UNC13D: variants seen among roughly 807,000 people sequenced by gnomAD.
UNC13D encodes protein unc-13 homolog D.
Under a neutral mutation model 151.7 loss-of-function variants are expected in UNC13D, and 115 were observed. That is an observed-to-expected ratio of 0.76 (90% CI 0.65 to 0.88). The LOEUF (loss-of-function observed/expected upper bound fraction) is 0.88. Among genes scored for constraint, UNC13D ranks in the 40% least tolerant of loss-of-function variants. UNC13D has a pLI of 0.00. For synonymous variants in UNC13D, 588 were observed against 612.2 expected (o/e 0.96, Z 0.58); for missense variants, 1,369 against 1,438.7 (o/e 0.95, Z 0.78).
At chr17:75,831,394 G>T in intron 25 of UNC13D, 46 bp from the exon 26 acceptor site, 1 of 1,559,074 alleles carries the variant, frequency 6.4e-7, no homozygotes. Context: ...GCAGGGCGGT[G>T]GCGGAGGAGG....
At chr17:75,843,968 G>T in intron 1 of UNC13D, 1 of 1,406,414 alleles carries the variant, frequency 7.1e-7, no homozygotes, top group Non-Finnish European at 9.2e-7. Flanking sequence ...TAGGGGATGG[G>T]GTCAGGCCAA....
chr17:75,835,155 G>A (rs2064898614), intron 20 of UNC13D, 92 bp from the exon 21 acceptor site: 1 of 1,565,332 alleles, frequency 6.4e-7, no homozygotes, highest in Non-Finnish European at 8.6e-7. Context: ...ACCAGGCACA[G>A]AGCTGGGCAG....
intron 27 of UNC13D, 137 bp downstream of exon 27, chr17:75,830,961 A>G (rs1185332540): frequency 3.5e-6 from 4 of 1,141,174 alleles, no homozygotes; most frequent in Non-Finnish European, 5.0e-6. Flanking sequence ...AAAATTTGTA[A>G]TAACTTTTGA....
chr17:75,834,771 G>A, intron 21 of UNC13D, 55 bp from the exon 22 acceptor site: 1 of 1,607,796 alleles, frequency 6.2e-7, no homozygotes, highest in Non-Finnish European at 8.5e-7. Flanking sequence ...TCCAGGAAGG[G>A]CAGGTGGGAG....
chr17:75,835,351 G>A, intron 20 of UNC13D, 58 bp downstream of exon 20: 1 of 1,592,950 alleles, frequency 6.3e-7, no homozygotes, highest in South Asian at 1.1e-5. Context: ...GGTCCAGGCA[G>A]AACCCAAGCC....
chr17:75,844,332 C>T lies in UNC13D; in HGVS notation c.6G>A (p.Ala2=), dbSNP rs767266346. The part of the protein sequence containing the change: M[A]TLLSHPQQRP... The stretch of plus-strand genomic sequence containing the variant: ...GCTGCTGCGGATGGGAGAGGAGTGT[C>T]GCCATGGTGGCCTTCTCTGCCCTTC... The change falls in exon 1 of 32, where the codon GCG becomes GCA. Residue 2 remains alanine, a synonymous_variant. Transcript: ENST00000207549. 26 of 1,609,620 alleles carry T rather than the reference C, an allele frequency of 1.6e-5. No individual in the cohort carries two copies. The highest frequency in any genetic ancestry group is 1.9e-5 in the Non-Finnish European group (22 of 1,178,796).
intron 19 of UNC13D, 59 bp from the exon 20 acceptor site, chr17:75,835,588 T>C: frequency 6.2e-7 from 1 of 1,611,036 alleles, no homozygotes; most frequent in Non-Finnish European, 8.5e-7. Flanking sequence ...CCCTGGGGCC[T>C]CGTCCACCCT....
chr17:75,836,280 A>C, intron 15 of UNC13D, 24 bp from the exon 16 acceptor site: 1 of 1,612,998 alleles, frequency 6.2e-7, no homozygotes, highest in Non-Finnish European at 8.5e-7. Context: ...GGCAGTGAGC[A>C]GGGAGGGACT....
rs1222715271 is a variant in UNC13D, at chr17:75,844,199, T to C, written c.117+22A>G. The C allele has an allele frequency of 2.5e-6, 4 of 1,608,854 alleles. No homozygotes were observed. In the African/African-American group the frequency reaches 4.0e-5, roughly 16 times the overall value. ...ACAGTGCTCCCCAAGGCCAGCTCTC[T>C]CCCCAGTGAGGTCACTCCTACCTCC... On this transcript the variant is annotated intron_variant, in intron 1 of 31. Coordinates refer to ENST00000207549, the MANE Select transcript of UNC13D (RefSeq NM_199242.3).
rs761028266 is a variant in UNC13D at position 75,828,857 on chromosome 17, C to G, written c.3081G>C (p.Gly1027=). The change falls in exon 31 of 32, where the codon GGG becomes GGC. Residue 1027 remains glycine, a synonymous_variant. Coordinates refer to ENST00000207549, the MANE Select transcript of UNC13D (RefSeq NM_199242.3). ...EAFLPLREVP[G]LSGSEEPGEV... is the part of the protein sequence containing the mutation. Reference sequence around the variant, plus strand: ...CACCAGGCTCCTCAGAGCCACTCAGCCCGGGCACCTCACGCAGCGGCAGGA... The same window carrying G: ...CACCAGGCTCCTCAGAGCCACTCAGGCCGGGCACCTCACGCAGCGGCAGGA... The G allele has an allele frequency of 4.4e-6, 7 of 1,593,066 alleles. No individual in the cohort carries two copies. The African/African-American group carries it at 9.4e-5, about 21-fold the overall frequency.
In UNC13D at chr17:75,836,585, G is replaced by A; in HGVS notation, c.1285C>T (p.Gln429Ter). Residue 429 changes from glutamine to a stop codon, truncating the protein, a stop_gained, in exon 14 of 32, where the codon CAG becomes TAG. Transcript: ENST00000207549. LOFTEE classifies it high-confidence loss of function. Reference sequence around the variant, plus strand: ...GCAGCCACTGACCTGAGAAGAGACTGCAGCCGGGCTGGGGAGTCCGAGACA... The same window carrying A: ...GCAGCCACTGACCTGAGAAGAGACTACAGCCGGGCTGGGGAGTCCGAGACA... Reference protein sequence around the residue: ...LSVSDSPARLQSLLRVLVQMC... With the variant: ...LSVSDSPARL 3 of 1,613,724 alleles carry A rather than the reference G, an allele frequency of 1.9e-6. No homozygotes were observed. Among genetic ancestry groups the A allele is most frequent in the Non-Finnish European group, 2.5e-6 (3 of 1,180,026 alleles).
At position 75,833,960 on chromosome 17, in the gene UNC13D, G is replaced by A; in HGVS notation, c.2367+115C>T. 1 of 1,335,220 alleles carries A rather than the reference G, an allele frequency of 7.5e-7. No homozygotes were observed. The highest frequency in any genetic ancestry group is 1.4e-5 in the African/African-American group (1 of 69,744). 82.7% of individuals were successfully genotyped at this position (1,335,220 alleles called of 1,614,324 possible). A position where few individuals can be genotyped will look rare whatever the true frequency, so the allele number is the denominator to read the frequency against. On this transcript the variant is annotated intron_variant, in intron 24 of 31. Coordinates refer to ENST00000207549, the MANE Select transcript of UNC13D (RefSeq NM_199242.3). This position sits in a 1 kb window ranked among gnomAD's most constrained non-coding sequence, Gnocchi z 4.0. ...CCAGGAGGAAACTGAGGCCCAGGGAGAGAACATGCTTTGCCTGGTCTGGGG... is the reference window on the plus strand; with the variant it reads ...CCAGGAGGAAACTGAGGCCCAGGGAAAGAACATGCTTTGCCTGGTCTGGGG...
chr17:75,838,686 G>C (rs960863540), intron 12 of UNC13D, among the ~76,000 whole-genome samples: 61 of 152,310 alleles, frequency 4.0e-4, no homozygotes, highest in African/African-American at 1.4e-3. Context: ...AGCGGGGCTG[G>C]GGTTAGGGAC....
At position 75,832,927 on chromosome 17, in the gene UNC13D, G is replaced by A; in HGVS notation, c.2447+39C>T. The A allele has an allele frequency of 6.5e-7, 1 of 1,547,320 alleles. No individual in the cohort carries two copies. Among genetic ancestry groups the A allele is most frequent in the South Asian group, 1.2e-5 (1 of 84,446 alleles). On this transcript the variant is annotated intron_variant, in intron 25 of 31. Transcript: ENST00000207549. This position sits in a 1 kb window ranked among gnomAD's most constrained non-coding sequence, Gnocchi z 4.3. ...AGGAGGGGCCGTGGGAGGAGAGGGG[G>A]AGGTGGCGAGCGCGCCCAGGGCAGG...
At chr17:75,838,730 A>G (rs2064926219) in intron 12 of UNC13D, among the ~76,000 whole-genome samples, 1 of 152,182 alleles carries the variant, frequency 6.6e-6, no homozygotes, top group Admixed American at 6.5e-5. Flanking sequence ...GACTCAGGAG[A>G]CGAAAGCAAC....
chr17:75,834,584 C>T (rs1309499721), intron 22 of UNC13D, 34 bp downstream of exon 22: 1 of 1,613,084 alleles, frequency 6.2e-7, no homozygotes, highest in East Asian at 2.2e-5. Flanking sequence ...GTCCCCACAC[C>T]CAGCTAGACT....
chr17:75,835,450 C>CGTTGTACG lies in UNC13D; in HGVS notation c.1799_1806dup (p.Glu603ArgfsTer24). 1 of 1,612,936 alleles carries CGTTGTACG rather than the reference C, an allele frequency of 6.2e-7. No individual in the cohort carries two copies. The highest frequency in any genetic ancestry group is 1.3e-5 in the African/African-American group (1 of 75,024). ...GCGCGCTGCACCCGCGCCAGGGCCT[C>CGTTGTACG]GTTGTACGTCTTCTGCAGCCAGGAG... On this transcript the variant is annotated frameshift_variant, in exon 20 of 32. Coordinates refer to ENST00000207549, the MANE Select transcript of UNC13D (RefSeq NM_199242.3). LOFTEE classifies it high-confidence loss of function.
chr17:75,842,632 G>C lies in UNC13D; in HGVS notation c.389-19C>G. ...CTGAACCCTGTGGAGGAGTGGGGAA[G>C]ACGAGGCAGCCAGGGAGTCGGCTGG... On this transcript the variant is annotated intron_variant, in intron 5 of 31. Transcript: ENST00000207549. 1 of 1,610,584 alleles carries C rather than the reference G, an allele frequency of 6.2e-7. No individual in the cohort carries two copies. The highest frequency in any genetic ancestry group is 8.5e-7 in the Non-Finnish European group (1 of 1,179,836).
Position 75,830,344 on chromosome 17 carries a change from A to T in UNC13D, c.2830+18T>A. 1 of 1,591,014 alleles carries T rather than the reference A, an allele frequency of 6.3e-7. No individual in the cohort carries two copies. Among genetic ancestry groups the T allele is most frequent in the Non-Finnish European group, 8.5e-7 (1 of 1,170,598 alleles). Reference sequence around the variant, plus strand: ...AGGACGGGACCATGGAGAGTGGCCAAAGGCAGCCTCCACTCACCATTGGAG... The same window carrying T: ...AGGACGGGACCATGGAGAGTGGCCATAGGCAGCCTCCACTCACCATTGGAG... On this transcript the variant is annotated intron_variant, in intron 29 of 31. Transcript: ENST00000207549.
Sources: allele counts gnomAD v4.1 joint callset (sites outside exome capture counted in the v4.1 genomes callset), GRCh38; gene constraint gnomAD v4.1.1; non-coding constraint Gnocchi (gnomAD v3.1); transcripts MANE v1.5; gene names NCBI Gene and HGNC (gene_info 2026-07-23, HGNC 2026-07-21).